TTC27: variants seen among roughly 807,000 people sequenced by gnomAD.
The protein encoded by TTC27 is tetratricopeptide repeat protein 27.
A neutral mutation model predicts 115.9 loss-of-function variants in TTC27; 79 were observed. That is an observed-to-expected ratio of 0.68 (90% CI 0.57 to 0.82). TTC27 has a LOEUF of 0.82. Ranked by LOEUF, TTC27 falls within the 40% of genes least tolerant of loss-of-function variation. The pLI, the probability that TTC27 is intolerant of heterozygous loss-of-function variation, is 0.00. For missense variants in TTC27, 1,054 were observed against 993.1 expected (o/e 1.06, Z -0.82); for synonymous variants, 401 against 356.0 (o/e 1.13, Z -1.42).
rs989361522 is a variant in TTC27 at position 32,727,908 on chromosome 2, G to A, written c.1234-5920G>A. The stretch of plus-strand genomic sequence containing the variant: ...TATAACTTACAGAAAGAAAAGCTTC[G>A]AGTCCCTTAATAATTTATAAGAGTT... On this transcript the variant is annotated intron_variant, in intron 10 of 19. Transcript: ENST00000317907. Among the ~76,000 whole-genome samples, 4 of 151,664 alleles carry A rather than the reference G, an allele frequency of 2.6e-5. No individual in the cohort carries two copies. In the East Asian group the frequency reaches 7.7e-4, roughly 29 times the overall value.
rs146683316 is a variant in TTC27 at position 32,628,307 on chromosome 2, G to A, written c.15G>A (p.Glu5=). 106 of 1,606,440 alleles carry A rather than the reference G, an allele frequency of 6.6e-5. 1 individual carries two copies. In the African/African-American group the frequency reaches 1.3e-3, roughly 20 times the overall value. MWTP[E]LAILRGFPTE... ...TGTCTGGGGTGATGTGGACCCCGGA[G>A]CTGGCAATTCTGAGGGGATTCCCCA... Residue 5 remains glutamate (E), a synonymous_variant, in exon 1 of 20, where the codon GAG becomes GAA. Coordinates refer to ENST00000317907, the MANE Select transcript of TTC27 (RefSeq NM_017735.5).
At chr2:32,794,885 C>A (rs1370539777) in intron 16 of TTC27, among the ~76,000 whole-genome samples, 3 of 151,852 alleles carry the variant, frequency 2.0e-5, no homozygotes, top group Non-Finnish European at 4.4e-5. Context: ...AAGACTAAAT[C>A]ATAAAGAAAC....
chr2:32,801,139 C>T (rs115247113), intron 16 of TTC27, among the ~76,000 whole-genome samples: 5 of 152,216 alleles, frequency 3.3e-5, no homozygotes, highest in East Asian at 1.9e-4. Flanking sequence ...AGAGTGCCCT[C>T]GGAAGAGTTT....
chr2:32,747,052 A>G (rs187003839), intron 12 of TTC27, among the ~76,000 whole-genome samples: 3 of 152,312 alleles, frequency 2.0e-5, no homozygotes, highest in East Asian at 3.9e-4. Context: ...TTCTCTGGAA[A>G]GTTACACACT....
chr2:32,720,890 G>A (rs1244074979), intron 10 of TTC27, among the ~76,000 whole-genome samples: 4 of 152,036 alleles, frequency 2.6e-5, no homozygotes, highest in African/African-American at 7.2e-5. Flanking sequence ...TTGTATTTTC[G>A]CATATCTTCT....
At position 32,798,372 on chromosome 2, in the gene TTC27, C is replaced by T. The variant is rs548624156; in HGVS notation, c.1998+11223C>T. Among the ~76,000 whole-genome samples the T allele has an allele frequency of 5.3e-5, 8 of 150,338 alleles. No homozygotes were observed. In the East Asian group the frequency reaches 1.4e-3, roughly 26 times the overall value. ...CCAAGATGGCGCCACTGCACTCCAG[C>T]CTGGGCGACAGAGCGCGACTCCATC... On this transcript the variant is annotated intron_variant, in intron 16 of 19. Coordinates refer to ENST00000317907, the MANE Select transcript of TTC27 (RefSeq NM_017735.5).
At chr2:32,668,551 TCCC>T (rs1665879718) in intron 7 of TTC27, among the ~76,000 whole-genome samples, 1 of 42,506 alleles carries the variant, frequency 2.4e-5, no homozygotes. Context: ...CCTCCCTCCC[TCCC>T]TCCCTCCCTT....
At position 32,664,363 on chromosome 2, in the gene TTC27, A is replaced by G; in HGVS notation, c.701A>G (p.His234Arg). Reference protein sequence around the residue: ...DSGRYLAIQFHLECAYVFLYY... With the variant: ...DSGRYLAIQFRLECAYVFLYY... ...GGTCGATATTTGGCTATTCAATTCC[A>G]TCTGGAATGTGCATATGTGTTTTTA... Residue 234 changes from histidine (H) to arginine (R), a missense_variant, in exon 6 of 20, where the codon CAT becomes CGT. His to Arg is a conservative substitution (Grantham distance 29, BLOSUM62 0). Transcript: ENST00000317907. 6.2e-7 allele frequency: 1 copy of G among 1,612,268 alleles called. No homozygotes were observed. The highest frequency in any genetic ancestry group is 2.2e-5 in the East Asian group (1 of 44,716).
At chr2:32,635,620 G>T (rs1462154016) in intron 3 of TTC27, among the ~76,000 whole-genome samples, 1 of 152,044 alleles carries the variant, frequency 6.6e-6, no homozygotes, top group Non-Finnish European at 1.5e-5. Context: ...GGAGGCGGAG[G>T]TTGCAGTGAG....
At chr2:32,708,220 C>T (rs1385088890) in intron 10 of TTC27, among the ~76,000 whole-genome samples, 1 of 151,190 alleles carries the variant, frequency 6.6e-6, no homozygotes, top group Admixed American at 6.6e-5. Context: ...GGAGGAAGAC[C>T]TTTATGGTGA....
intron 16 of TTC27, among the ~76,000 whole-genome samples, chr2:32,808,533 G>A (rs1343009841): frequency 6.6e-6 from 1 of 152,118 alleles, no homozygotes; most frequent in Non-Finnish European, 1.5e-5. Context: ...TCTATCCCCT[G>A]TCTACCCCCC....
At position 32,800,673 on chromosome 2, in the gene TTC27, T is replaced by A. The variant is rs190532058; in HGVS notation, c.1999-10351T>A. ...CCACTATGCCCAGCTAATTTTTGTA[T>A]TTTTTTAGTAGAAATGGGGTTTCAC... On this transcript the variant is annotated intron_variant, in intron 16 of 19. Transcript: ENST00000317907. 3.3e-4 allele frequency among the ~76,000 whole-genome samples: 50 copies of A among 151,830 alleles called. No individual in the cohort carries two copies. The East Asian group carries it at 9.0e-3, about 27-fold the overall frequency.
chr2:32,779,471 C>T (rs35491841), intron 14 of TTC27, among the ~76,000 whole-genome samples: 13,180 of 152,176 alleles, frequency 0.087, 690 homozygotes, highest in Middle Eastern at 0.23. Flanking sequence ...CACATCCTTA[C>T]CCATTTTTAA....
intron 4 of TTC27, among the ~76,000 whole-genome samples, chr2:32,642,641 A>G (rs529931355): frequency 7.9e-5 from 12 of 151,984 alleles, no homozygotes; most frequent in African/African-American, 2.9e-4. Context: ...AAGCCATTGT[A>G]CTAGAGGTTG....
At chr2:32,748,748 C>T (rs1668911852) in intron 12 of TTC27, among the ~76,000 whole-genome samples, 2 of 146,702 alleles carry the variant, frequency 1.4e-5, no homozygotes, top group Non-Finnish European at 3.0e-5. Context: ...AGTGCAGTGG[C>T]GTGATCTCGG....
chr2:32,743,326 C>T (rs1054661258), intron 12 of TTC27, among the ~76,000 whole-genome samples: 1 of 152,096 alleles, frequency 6.6e-6, no homozygotes, highest in African/African-American at 2.4e-5. Context: ...GAATAACTTT[C>T]CTGAAATATT....
In TTC27 at chr2:32,630,530, A is replaced by T. The variant is rs756647826; in HGVS notation, c.96A>T (p.Gly32=). 3 of 1,605,562 alleles carry T rather than the reference A, an allele frequency of 1.9e-6. No individual in the cohort carries two copies. The Admixed American group carries it at 5.2e-5, about 28-fold the overall frequency. The change falls in exon 2 of 20, where the codon GGA becomes GGT. Residue 32 remains glycine, a synonymous_variant. Coordinates refer to ENST00000317907, the MANE Select transcript of TTC27 (RefSeq NM_017735.5). The part of the protein sequence containing the change: ...KQEGVVGSES[G]SFLQLLLEGN... Reference sequence around the variant, plus strand: ...TAATTTTTTATATTACAGAGAGTGGATCTTTCCTACAATTGCTACTGGAAG... The same window carrying T: ...TAATTTTTTATATTACAGAGAGTGGTTCTTTCCTACAATTGCTACTGGAAG...
At chr2:32,790,349 T>G (rs1416037366) in intron 16 of TTC27, among the ~76,000 whole-genome samples, 1 of 152,120 alleles carries the variant, frequency 6.6e-6, no homozygotes, top group African/African-American at 2.4e-5. Context: ...ATTTTTCTGT[T>G]TTTTCCTCAC....
At chr2:32,651,427 A>G (rs1572477482) in intron 5 of TTC27, among the ~76,000 whole-genome samples, 2 of 151,950 alleles carry the variant, frequency 1.3e-5, no homozygotes, top group African/African-American at 4.8e-5. Flanking sequence ...GCTCACTGCA[A>G]CCTCCGCCTC....
Sources: gnomAD v4.1 joint callset for allele counts (sites outside exome capture counted in the v4.1 genomes callset) on GRCh38, gnomAD v4.1.1 for gene constraint, MANE v1.5 for transcripts, NCBI Gene and HGNC (gene_info 2026-07-23, HGNC 2026-07-21) for gene names.